The following GRID2 variants were observed in gnomAD, a reference collection of about 807,000 sequenced individuals.
GRID2 encodes the protein glutamate ionotropic receptor delta type subunit 2.
Under a neutral mutation model 114.8 loss-of-function variants are expected in GRID2, and 33 were observed. That is an observed-to-expected ratio of 0.29 (90% CI 0.22 to 0.38). The LOEUF is 0.38. Ranked by LOEUF, GRID2 falls within the 10% of genes least tolerant of loss-of-function variation. The pLI, the probability that GRID2 is intolerant of heterozygous loss-of-function variation, is 1.00. For missense variants in GRID2, 1,184 were observed against 1,257.7 expected (o/e 0.94, Z 0.89); for synonymous variants, 505 against 449.9 (o/e 1.12, Z -1.55).
At chr4:93,128,439 A>T (rs562469960) in intron 4 of GRID2, among the ~76,000 whole-genome samples, 1 of 152,312 alleles carries the variant, frequency 6.6e-6, no homozygotes, top group East Asian at 1.9e-4. Flanking sequence ...TTATTATTGG[A>T]ACTCCAGTGG....
intron 14 of GRID2, among the ~76,000 whole-genome samples, chr4:93,680,895 C>T (rs1045244270): frequency 6.6e-6 from 1 of 151,582 alleles, no homozygotes; most frequent in African/African-American, 2.4e-5. Context: ...TCTCTCGCCA[C>T]TCCTATTCAA....
chr4:92,528,275 A>AAT (rs147742394), intron 1 of GRID2, among the ~76,000 whole-genome samples: 4,834 of 145,356 alleles, frequency 0.033, 91 homozygotes, highest in East Asian at 0.066. Context: ...TTGGGTTATG[A>AAT]ATATATATAT....
intron 2 of GRID2, among the ~76,000 whole-genome samples, chr4:92,749,443 T>C (rs1737330266): frequency 6.7e-6 from 1 of 149,788 alleles, no homozygotes; most frequent in African/African-American, 2.5e-5. Context: ...GCCTCTCAAG[T>C]AGCTGAGACT....
intron 2 of GRID2, among the ~76,000 whole-genome samples, chr4:92,634,301 T>C (rs987689647): frequency 2.6e-5 from 4 of 152,176 alleles, no homozygotes; most frequent in Non-Finnish European, 5.9e-5. Context: ...TTTAATGTTT[T>C]CCAAGGTGAT....
intron 14 of GRID2, among the ~76,000 whole-genome samples, chr4:93,683,681 C>T (rs1405293023): frequency 2.0e-5 from 3 of 152,064 alleles, no homozygotes; most frequent in Non-Finnish European, 4.4e-5. Flanking sequence ...AGTTTTGTTA[C>T]AGTTCTCTTC....
intron 2 of GRID2, among the ~76,000 whole-genome samples, chr4:92,627,468 CAAAT>C (rs896727034): frequency 1.3e-4 from 19 of 151,982 alleles, no homozygotes; most frequent in African/African-American, 4.3e-4. Context: ...AGAAGTGTAA[CAAAT>C]AATATTTTAC....
intron 1 of GRID2, among the ~76,000 whole-genome samples, chr4:92,573,301 T>C (rs1056817733): frequency 6.6e-6 from 1 of 152,202 alleles, no homozygotes; most frequent in Non-Finnish European, 1.5e-5. Context: ...GTTTTTCATG[T>C]CTCTATCTCC....
At chr4:93,789,953 A>T (rs1188875251) in intron 1 of GRID2, among the ~76,000 whole-genome samples, 1 of 151,728 alleles carries the variant, frequency 6.6e-6, no homozygotes, top group Non-Finnish European at 1.5e-5. Context: ...TTAGATTCTC[A>T]TAGGAGTGTG....
chr4:92,905,533 TC>T (rs1747881455), intron 2 of GRID2, among the ~76,000 whole-genome samples: 1 of 152,104 alleles, frequency 6.6e-6, no homozygotes, highest in Non-Finnish European at 1.5e-5. Context: ...TTTGAAATGT[TC>T]TGGAAGTGTT....
chr4:92,705,095 C>T (rs1235453051), intron 2 of GRID2, among the ~76,000 whole-genome samples: 1 of 151,980 alleles, frequency 6.6e-6, no homozygotes, highest in Non-Finnish European at 1.5e-5. Context: ...TTCAGGAAAA[C>T]AGCAAGGCCT....
intron 2 of GRID2, among the ~76,000 whole-genome samples, chr4:92,989,826 T>A (rs1015818259): frequency 6.6e-6 from 1 of 152,168 alleles, no homozygotes; most frequent in Non-Finnish European, 1.5e-5. Flanking sequence ...CTTTACTGAA[T>A]GTTTTGAAAA....
At chr4:92,515,871 T>C (rs1268007039) in intron 1 of GRID2, among the ~76,000 whole-genome samples, 6 of 151,966 alleles carry the variant, frequency 3.9e-5, no homozygotes, top group Non-Finnish European at 7.4e-5. Context: ...CTGACACTAG[T>C]TTCTCACTTC....
At chr4:93,412,864 T>C (rs1457874189) in intron 9 of GRID2, among the ~76,000 whole-genome samples, 1 of 152,098 alleles carries the variant, frequency 6.6e-6, no homozygotes, top group Non-Finnish European at 1.5e-5. Context: ...GTCTGTTCAT[T>C]TGTTAGTTTG....
chr4:93,580,727 C>T (rs1397194046), intron 13 of GRID2, among the ~76,000 whole-genome samples: 21 of 151,842 alleles, frequency 1.4e-4, no homozygotes, highest in Non-Finnish European at 1.5e-5. Context: ...AAGTGAGATC[C>T]TCTTCCCCAG....
intron 2 of GRID2, among the ~76,000 whole-genome samples, chr4:92,790,417 T>C (rs982943321): frequency 6.6e-6 from 1 of 151,842 alleles, no homozygotes; most frequent in Admixed American, 6.6e-5. Context: ...TGTGTCTTTA[T>C]TTATTATCAT....
chr4:93,113,075 T>G (rs1342984953), intron 4 of GRID2, among the ~76,000 whole-genome samples: 1 of 152,214 alleles, frequency 6.6e-6, no homozygotes, highest in Non-Finnish European at 1.5e-5. Context: ...TTAGCTGTTA[T>G]GAGCAAATAA....
chr4:93,637,972 AC>A (rs2149707983), intron 14 of GRID2, among the ~76,000 whole-genome samples: 1 of 152,254 alleles, frequency 6.6e-6, no homozygotes, highest in South Asian at 2.1e-4. Context: ...AGAATCTGAT[AC>A]TTCTAGACAT....
intron 9 of GRID2, among the ~76,000 whole-genome samples, chr4:93,399,472 T>C (rs1379543398): frequency 4.6e-5 from 7 of 152,100 alleles, no homozygotes; most frequent in East Asian, 1.9e-4. Context: ...AAACATTTCA[T>C]TGAAGAGTTA....
In GRID2 at chr4:92,367,006, C is replaced by T. The variant is rs957912652; in HGVS notation, c.88+62262C>T. 7.2e-5 allele frequency among the ~76,000 whole-genome samples: 11 copies of T among 152,098 alleles called. No individual in the cohort carries two copies. In the East Asian group the frequency reaches 1.6e-3, roughly 21 times the overall value. ...TCATACCTCTATAGTCCTTCAATTTCGAATATTTCTTGAATTCTTTTTGTG... is the reference window on the plus strand; with the variant it reads ...TCATACCTCTATAGTCCTTCAATTTTGAATATTTCTTGAATTCTTTTTGTG... On this transcript the variant is annotated intron_variant, in intron 1 of 15. Coordinates refer to ENST00000282020, the MANE Select transcript of GRID2 (RefSeq NM_001510.4).
Sources: allele counts gnomAD v4.1 joint callset (sites outside exome capture counted in the v4.1 genomes callset), GRCh38; gene constraint gnomAD v4.1.1; transcripts MANE v1.5; gene names NCBI Gene and HGNC (gene_info 2026-07-23, HGNC 2026-07-21).